Variants in CHST11 observed in about 807,000 individuals in gnomAD.
The protein encoded by CHST11 is C4S-1.
Under a neutral mutation model 30.4 loss-of-function variants are expected in CHST11, and 9 were observed. The observed-to-expected ratio is 0.30, with a 90% CI of 0.18 to 0.52. CHST11 has a LOEUF of 0.52. Among genes scored for constraint, CHST11 ranks in the 20% least tolerant of loss-of-function variants. CHST11 has a pLI of 0.97. For missense variants in CHST11, 348 were observed against 460.6 expected, an observed-to-expected ratio of 0.76 and a Z score of 2.24; for synonymous variants, 152 against 187.8, an observed-to-expected ratio of 0.81 and a Z score of 1.56.
intron 1 of CHST11, among the ~76,000 whole-genome samples, chr12:104,568,988 A>G (rs1046615678): frequency 1.3e-5 from 2 of 152,216 alleles, no homozygotes; most frequent in East Asian, 3.9e-4. Flanking sequence ...TATGCCAGGT[A>G]CTCTTCTAGT....
At chr12:104,640,817 A>G (rs974945548) in intron 2 of CHST11, among the ~76,000 whole-genome samples, 4 of 152,196 alleles carry the variant, frequency 2.6e-5, no homozygotes, top group African/African-American at 9.6e-5. Flanking sequence ...GGAGGCAGGG[A>G]AATTCTGGGC....
At chr12:104,480,708 C>T (rs1486928754) in intron 1 of CHST11, among the ~76,000 whole-genome samples, 2 of 151,876 alleles carry the variant, frequency 1.3e-5, no homozygotes, top group African/African-American at 4.8e-5. Flanking sequence ...ATAATGGAGG[C>T]AGAGACTGGA....
chr12:104,569,375 A>G (rs1039408997), intron 1 of CHST11, among the ~76,000 whole-genome samples: 5 of 152,180 alleles, frequency 3.3e-5, no homozygotes, highest in African/African-American at 1.2e-4. Flanking sequence ...AACCAGATAC[A>G]TTTGTTCAAA....
At chr12:104,630,881 G>A (rs1592804608) in intron 2 of CHST11, among the ~76,000 whole-genome samples, 1 of 152,170 alleles carries the variant, frequency 6.6e-6, no homozygotes, top group Admixed American at 6.5e-5. Context: ...GCACCCCAAA[G>A]TTTATGTCTG....
chr12:104,657,106 C>T (rs1371246830), intron 2 of CHST11, among the ~76,000 whole-genome samples: 3 of 152,124 alleles, frequency 2.0e-5, no homozygotes, highest in African/African-American at 4.8e-5. Context: ...GCCTCAGCTC[C>T]GGGCTGTCAG....
chr12:104,698,654 C>G (rs2039968397), intron 2 of CHST11, among the ~76,000 whole-genome samples: 1 of 152,186 alleles, frequency 6.6e-6, no homozygotes, highest in African/African-American at 2.4e-5. Flanking sequence ...TCGGCATAGG[C>G]AGTGCTACCA....
At chr12:104,471,262 T>A (rs766038353) in intron 1 of CHST11, among the ~76,000 whole-genome samples, 1 of 152,174 alleles carries the variant, frequency 6.6e-6, no homozygotes, top group Non-Finnish European at 1.5e-5. Flanking sequence ...TATCCCAACA[T>A]CTCCAATAGA....
intron 2 of CHST11, among the ~76,000 whole-genome samples, chr12:104,733,759 A>T (rs1041695256): frequency 1.6e-4 from 24 of 152,250 alleles, no homozygotes; most frequent in Admixed American, 4.6e-4. Flanking sequence ...GCAGAACCAG[A>T]TTCAACCCAG....
At chr12:104,658,783 A>G (rs967154009) in intron 2 of CHST11, among the ~76,000 whole-genome samples, 2 of 152,250 alleles carry the variant, frequency 1.3e-5, no homozygotes, top group African/African-American at 4.8e-5. Context: ...GGTGCCAAGC[A>G]AAGTGCTAGG....
chr12:104,736,167 G>A (rs2040299010), intron 2 of CHST11, among the ~76,000 whole-genome samples: 8 of 152,276 alleles, frequency 5.3e-5, no homozygotes, highest in South Asian at 2.1e-4. Flanking sequence ...CATGCTTCTC[G>A]CCTCTGGTAT....
At chr12:104,539,831 AG>A (rs1175390234) in intron 1 of CHST11, among the ~76,000 whole-genome samples, 1 of 152,122 alleles carries the variant, frequency 6.6e-6, no homozygotes, top group African/African-American at 2.4e-5. Flanking sequence ...AAAATAATGT[AG>A]TAGTATTTGT....
chr12:104,484,305 C>T (rs528246733), intron 1 of CHST11, among the ~76,000 whole-genome samples: 6 of 152,270 alleles, frequency 3.9e-5, no homozygotes, highest in South Asian at 2.1e-4. Flanking sequence ...TGACGATTCA[C>T]GATCACATTA....
Position 104,757,609 on chromosome 12 carries a change from G to A in CHST11, c.865G>A (p.Val289Ile), listed in dbSNP as rs150778990. Residue 289 changes from valine to isoleucine, a missense_variant, in exon 3 of 3, where the codon GTC (valine) becomes ATC (isoleucine). By Grantham distance (29) the Val-to-Ile change is conservative (BLOSUM62 3). Transcript: ENST00000303694. The surrounding 1 kb of genome is among the most constrained non-coding windows in gnomAD (Gnocchi z 6.5). ...GACACTGGAAGAGGATTCTAATTACGTCCTGCAGCTGGCAGGAGTGGGCAG... is the reference window on the plus strand; with the variant it reads ...GACACTGGAAGAGGATTCTAATTACATCCTGCAGCTGGCAGGAGTGGGCAG... ...YETLEEDSNY[V>I]LQLAGVGSYL... The A allele has an allele frequency of 1.3e-3, 2,117 of 1,614,074 alleles. 5 individuals carry two copies. Among genetic ancestry groups the A allele is most frequent in the South Asian group, 1.6e-3 (143 of 91,080 alleles).
chr12:104,613,109 CAGGTACCCGAG>C (rs1309782387), intron 2 of CHST11, among the ~76,000 whole-genome samples: 1 of 151,856 alleles, frequency 6.6e-6, no homozygotes. Flanking sequence ...CCTGTAGCCC[CAGGTACCCGAG>C]AGACTGAGGG....
At chr12:104,474,953 T>C (rs902728737) in intron 1 of CHST11, among the ~76,000 whole-genome samples, 1 of 152,206 alleles carries the variant, frequency 6.6e-6, no homozygotes, top group Non-Finnish European at 1.5e-5. Flanking sequence ...CTTATCTGTT[T>C]CATATTTTTG....
chr12:104,546,834 G>A (rs569080703), intron 1 of CHST11, among the ~76,000 whole-genome samples: 1 of 152,236 alleles, frequency 6.6e-6, no homozygotes, highest in Non-Finnish European at 1.5e-5. Context: ...ACCCTTGGGC[G>A]GTTGGTACAT....
At chr12:104,506,758 C>T (rs759548094) in intron 1 of CHST11, among the ~76,000 whole-genome samples, 7 of 152,304 alleles carry the variant, frequency 4.6e-5, no homozygotes, top group East Asian at 1.9e-4. Flanking sequence ...AGAGTTGCTC[C>T]GACAGACCTT....
intron 1 of CHST11, among the ~76,000 whole-genome samples, chr12:104,492,466 C>A (rs754299752): frequency 6.6e-6 from 1 of 152,178 alleles, no homozygotes; most frequent in Non-Finnish European, 1.5e-5. Flanking sequence ...GTTCCTGAGG[C>A]CAGAACTTCT....
chr12:104,690,541 C>T (rs1056937884), intron 2 of CHST11, among the ~76,000 whole-genome samples: 1 of 152,124 alleles, frequency 6.6e-6, no homozygotes, highest in Non-Finnish European at 1.5e-5. Flanking sequence ...AAAAGAGATA[C>T]GAGACTGGGC....
Sources: allele counts gnomAD v4.1 joint callset (sites outside exome capture counted in the v4.1 genomes callset), GRCh38; gene constraint gnomAD v4.1.1; non-coding constraint Gnocchi (gnomAD v3.1); transcripts MANE v1.5; gene names NCBI Gene and HGNC (gene_info 2026-07-23, HGNC 2026-07-21).